Variants in FCER2 observed in about 807,000 individuals in gnomAD.
FCER2 encodes low affinity immunoglobulin epsilon Fc receptor.
In FCER2, 38 loss-of-function variants were observed where a neutral mutation model predicts 49.7. That is an observed-to-expected ratio of 0.76 (90% confidence interval 0.59 to 1.00). The LOEUF is 1.00. FCER2 is among the 50% of genes least tolerant of loss of function. The pLI is 0.00. For missense variants in FCER2, 425 were observed against 419.5 expected, an observed-to-expected ratio of 1.01 and a Z score of -0.11; for synonymous variants, 163 against 164.6, an observed-to-expected ratio of 0.99 and a Z score of 0.07.
At chr19:7,689,880 C>T (rs35260294) in intron 10 of FCER2, among the ~76,000 whole-genome samples, 59,542 of 151,778 alleles carry the variant, frequency 0.39, 14,246 homozygotes, top group African/African-American at 0.68. Context: ...CCTCCTACAG[C>T]GCTGGGATGA....
At chr19:7,690,331 A>G (rs2032827889) in intron 9 of FCER2, 66 bp from the exon 10 acceptor site, 1 of 1,604,784 alleles carries the variant, frequency 6.2e-7, no homozygotes. Flanking sequence ...CCACTTCGAG[A>G]GGTTGGGTAG....
chr19:7,691,249 G>T (rs1398569147), intron 8 of FCER2, among the ~76,000 whole-genome samples: 4 of 151,692 alleles, frequency 2.6e-5, no homozygotes, highest in East Asian at 3.9e-4. Flanking sequence ...ATCGCTACAA[G>T]CACCACCATG....
Position 7,698,760 on chromosome 19 carries a change from C to T in FCER2, c.117G>A (p.Leu39=), listed in dbSNP as rs1302648444. ...CCTCACGCCACAGGAGAAGCAGAGT[C>T]AGCAGCCCAGCCCACAGAGCGGCGG... is the stretch of plus-strand genomic sequence containing the variant. ...LVTAALWAGL[L]TLLLLWHWDT... Residue 39 remains leucine (L), a synonymous_variant, in exon 3 of 11, where the codon CTG becomes CTA. Coordinates refer to ENST00000597921, the MANE Select transcript of FCER2 (RefSeq NM_001220500.2). The T allele has an allele frequency of 1.2e-6, 2 of 1,612,936 alleles. No homozygotes were observed. Among genetic ancestry groups the T allele is most frequent in the Non-Finnish European group, 1.7e-6 (2 of 1,179,648 alleles).
intron 2 of FCER2, chr19:7,699,360 T>C (rs749863046): frequency 8.3e-6 from 11 of 1,319,298 alleles, no homozygotes; most frequent in Non-Finnish European, 6.0e-6. Context: ...CTCAAGCCCC[T>C]GGCCCTCTGC....
chr19:7,693,642 T>TTTTTGTTTTG (rs368393689), intron 8 of FCER2, among the ~76,000 whole-genome samples: 2 of 151,886 alleles, frequency 1.3e-5, no homozygotes, highest in African/African-American at 4.8e-5. Flanking sequence ...GGTCAGATGT[T>TTTTTGTTTTG]TTTTGTTTTG....
At chr19:7,698,961 A>G (rs1399430581) in intron 2 of FCER2, 107 bp from the exon 3 acceptor site, 1 of 1,221,802 alleles carries the variant, frequency 8.2e-7, no homozygotes, top group Non-Finnish European at 1.2e-6. Context: ...GCTTGTCCAG[A>G]GCCCACACTG....
intron 4 of FCER2, 101 bp downstream of exon 4, chr19:7,698,255 C>T: frequency 1.1e-6 from 1 of 870,622 alleles, no homozygotes; most frequent in Non-Finnish European, 1.8e-6. Flanking sequence ...GTTTGACCTT[C>T]AGTTCCTTAG....
At chr19:7,698,035 A>G (rs2033062782) in intron 4 of FCER2, among the ~76,000 whole-genome samples, 1 of 152,202 alleles carries the variant, frequency 6.6e-6, no homozygotes, top group South Asian at 2.1e-4. Flanking sequence ...GTTTAGTGGA[A>G]ACCTTAACTC....
chr19:7,690,343 G>C (rs2032828028), intron 9 of FCER2, 63 bp downstream of exon 9: 1 of 1,599,498 alleles, frequency 6.3e-7, no homozygotes, highest in Non-Finnish European at 8.5e-7. Flanking sequence ...GTTGGGTAGA[G>C]TGGGGTGGGG....
At chr19:7,693,525 T>C (rs2032936569) in intron 8 of FCER2, among the ~76,000 whole-genome samples, 1 of 151,940 alleles carries the variant, frequency 6.6e-6, no homozygotes. Context: ...GGCAGGAGGA[T>C]CGCTTGAGCC....
At chr19:7,690,613 G>C (rs1216886676) in intron 8 of FCER2, 56 bp from the exon 9 acceptor site, 8 of 1,572,260 alleles carry the variant, frequency 5.1e-6, no homozygotes, top group Non-Finnish European at 6.9e-6. Flanking sequence ...TGGGCACCCT[G>C]GGCAGACTAG....
rs369524074 is a variant in FCER2 at position 7,697,018 on chromosome 19, G to T, written c.374C>A (p.Ser125Tyr). 2 of 1,597,110 alleles carry T rather than the reference G, an allele frequency of 1.3e-6. No individual in the cohort carries two copies. Among genetic ancestry groups the T allele is most frequent in the African/African-American group, 2.7e-5 (2 of 74,618 alleles). ...CATCCCCTCCCAAGCCTCACCCTGGGACTTGAAGCTGCTCAGATCTGCTTG... is the reference window on the plus strand; with the variant it reads ...CATCCCCTCCCAAGCCTCACCCTGGTACTTGAAGCTGCTCAGATCTGCTTG... ...GLQADLSSFKSQELNERNEAS... is the reference protein window; with the variant it reads ...GLQADLSSFKYQELNERNEAS... Residue 125 changes from serine (S) to tyrosine (Y), a missense_variant, in exon 7 of 11, where the codon TCC becomes TAC. Ser to Tyr is a moderately radical substitution (Grantham distance 144). Coordinates refer to ENST00000597921, the MANE Select transcript of FCER2 (RefSeq NM_001220500.2).
rs1333485838 is a variant in FCER2, at chr19:7,698,813, T to C, written c.64A>G (p.Thr22Ala). ...ACCAGCCCCAGCAGCACGATCTGAG[T>C]CCCACGCCTGCAACACCGCCTCCTG... ...LPRRRCCRRG[T>A]QIVLLGLVTA... Residue 22 changes from threonine (T) to alanine (A), a missense_variant, in exon 3 of 11, where the codon ACT becomes GCT. Thr to Ala is a moderately conservative substitution (Grantham distance 58, BLOSUM62 0). Transcript: ENST00000597921. 7 of 1,611,402 alleles carry C rather than the reference T, an allele frequency of 4.3e-6. No individual in the cohort carries two copies. Among genetic ancestry groups the C allele is most frequent in the Non-Finnish European group, 5.9e-6 (7 of 1,179,132 alleles).
Position 7,696,811 on chromosome 19 carries a change from ACT to A in FCER2, c.469+12_469+13del, listed in dbSNP as rs2033025488. 2 of 1,558,772 alleles carry A rather than the reference ACT, an allele frequency of 1.3e-6. No homozygotes were observed. The highest frequency in any genetic ancestry group is 2.4e-5 in the South Asian group (2 of 84,844). ...AGGTCACGCGTCGTCCTGAGCAGAGACTCACACACTCACCGCTGGACACCTGC... is the reference window on the plus strand; with the variant it reads ...AGGTCACGCGTCGTCCTGAGCAGAGACACACACTCACCGCTGGACACCTGC... On this transcript the variant is annotated intron_variant, in intron 8 of 10. Coordinates refer to ENST00000597921, the MANE Select transcript of FCER2 (RefSeq NM_001220500.2).
chr19:7,694,790 C>T (rs11260013), intron 8 of FCER2, among the ~76,000 whole-genome samples: 89,155 of 151,864 alleles, frequency 0.59, 27,642 homozygotes, highest in African/African-American at 0.81. Flanking sequence ...GGGGCATTAG[C>T]TGGCGGAACG....
At chr19:7,700,379 C>T (rs1285635810) in intron 1 of FCER2, among the ~76,000 whole-genome samples, 1 of 152,166 alleles carries the variant, frequency 6.6e-6, no homozygotes, top group Non-Finnish European at 1.5e-5. Flanking sequence ...AGTGGGTCTT[C>T]GGATTCTAAA....
At chr19:7,701,589 G>A (rs781628469) in intron 1 of FCER2, among the ~76,000 whole-genome samples, 10 of 152,136 alleles carry the variant, frequency 6.6e-5, no homozygotes, top group Non-Finnish European at 1.5e-4. Flanking sequence ...ACTCAAACCC[G>A]GGACCCTTGA....
chr19:7,698,190 G>C (rs1250260524), intron 4 of FCER2, among the ~76,000 whole-genome samples, 166 bp downstream of exon 4: 1 of 152,152 alleles, frequency 6.6e-6, no homozygotes, highest in Non-Finnish European at 1.5e-5. Flanking sequence ...ATGCTATCAG[G>C]CACTTTTCCA....
intron 4 of FCER2, 137 bp downstream of exon 4, chr19:7,698,219 C>A: frequency 1.7e-6 from 1 of 604,034 alleles, no homozygotes; most frequent in Non-Finnish European, 2.9e-6. Flanking sequence ...TGGGTCCCCG[C>A]CTTCCCTAGG....
Sources: gnomAD v4.1 joint callset for allele counts (sites outside exome capture counted in the v4.1 genomes callset) on GRCh38, gnomAD v4.1.1 for gene constraint, MANE v1.5 for transcripts, NCBI Gene and HGNC (gene_info 2026-07-23, HGNC 2026-07-21) for gene names.